The following ANPEP variants were observed in gnomAD, a reference collection of about 807,000 sequenced individuals.
ANPEP encodes aminopeptidase N.
In ANPEP, 70 loss-of-function variants were observed where a neutral mutation model predicts 114.6. That is an observed-to-expected ratio of 0.61 (90% CI 0.50 to 0.75). The LOEUF (loss-of-function observed/expected upper bound fraction) is 0.75. Among genes scored for constraint, ANPEP ranks in the 30% least tolerant of loss-of-function variants. The probability of loss-of-function intolerance (pLI) is 0.00; values close to 1 mark genes in which losing one functional copy is unlikely to be tolerated. For missense variants in ANPEP, 1,184 were observed against 1,259.5 expected (o/e 0.94, Z 0.91); for synonymous variants, 548 against 522.3 (o/e 1.05, Z -0.67).
intron 15 of ANPEP, 111 bp downstream of exon 15, chr15:89,797,464 G>T (rs1373392679): frequency 2.1e-6 from 3 of 1,399,748 alleles, no homozygotes; most frequent in East Asian, 2.5e-5. Context: ...TTTTGCTTTT[G>T]AAGGTTCCCT....
In ANPEP at chr15:89,801,494, A is replaced by G; in HGVS notation, c.1683T>C (p.Leu561=). ...VITVDTSTGT[L]SQEHFLLDPD... ...GGTCAAGGAGGAAGTGCTCCTGGGA[A>G]AGGGTCCCCGTGCTGGTATCCACCG... is the stretch of plus-strand genomic sequence containing the variant. Residue 561 remains leucine (L), a synonymous_variant, in exon 11 of 21, where the codon CTT becomes CTC. Coordinates refer to ENST00000300060, the MANE Select transcript of ANPEP (RefSeq NM_001150.3). 2 of 1,614,126 alleles carry G rather than the reference A, an allele frequency of 1.2e-6. No individual in the cohort carries two copies. The highest frequency in any genetic ancestry group is 1.7e-6 in the Non-Finnish European group (2 of 1,179,978).
chr15:89,797,124 G>A (rs1194701749), intron 15 of ANPEP, among the ~76,000 whole-genome samples: 1 of 152,160 alleles, frequency 6.6e-6, no homozygotes, highest in African/African-American at 2.4e-5. Context: ...TGGGCTGGCC[G>A]GGCAGGTAGA....
At position 89,799,365 on chromosome 15, in the gene ANPEP, G is replaced by C. The variant is rs370459067; in HGVS notation, c.1954-50C>G. ...ACCATGGGTTGGCTGTGGGTGGCAG[G>C]CCTTGCAGTCTGGTGCCTGTCCTGG... On this transcript the variant is annotated intron_variant, in intron 13 of 20. Coordinates refer to ENST00000300060, the MANE Select transcript of ANPEP (RefSeq NM_001150.3). This position sits in a 1 kb window ranked among gnomAD's most constrained non-coding sequence, Gnocchi z 4.2. The C allele has an allele frequency of 5.6e-6, 9 of 1,614,136 alleles. No homozygotes were observed. In the East Asian group the frequency reaches 2.0e-4, roughly 36 times the overall value.
At chr15:89,787,800 G>A (rs1031742324) in intron 20 of ANPEP, among the ~76,000 whole-genome samples, 9 of 152,084 alleles carry the variant, frequency 5.9e-5, no homozygotes, top group East Asian at 3.9e-4. Context: ...ACCCTCTCTC[G>A]AAAAGAAAAA....
At chr15:89,810,489 C>T (rs763686807) in intron 1 of ANPEP, among the ~76,000 whole-genome samples, 16 of 151,934 alleles carry the variant, frequency 1.1e-4, no homozygotes, top group African/African-American at 3.1e-4. Context: ...AAGAATCGCT[C>T]GAACCCAAGA....
intron 1 of ANPEP, among the ~76,000 whole-genome samples, chr15:89,809,542 G>T (rs1385239168): frequency 6.6e-6 from 1 of 152,156 alleles, no homozygotes; most frequent in African/African-American, 2.4e-5. Context: ...AACCCAGGCT[G>T]GGGGCACAGA....
chr15:89,805,113 C>T lies in ANPEP; in HGVS notation c.862G>A (p.Asp288Asn), dbSNP rs370685507. 15 of 1,614,212 alleles carry T rather than the reference C, an allele frequency of 9.3e-6. No individual in the cohort carries two copies. The highest frequency in any genetic ancestry group is 2.2e-5 in the East Asian group (1 of 44,882). The change falls in exon 4 of 21, where the codon GAC (aspartate) becomes AAC (asparagine). Residue 288 changes from aspartate to asparagine, a missense_variant. Coordinates refer to ENST00000300060, the MANE Select transcript of ANPEP (RefSeq NM_001150.3). ...TTGGATGCCTGCTTCTCCACGTAGT[C>T]GAACTCACTGACAATGAAGGCCAGC... ...YLLAFIVSEF[D>N]YVEKQASNGV...
Position 89,804,270 on chromosome 15 carries a change from G to A in ANPEP, c.1162C>T (p.His388Tyr). 6.2e-7 allele frequency: 1 copy of A among 1,614,176 alleles called. No homozygotes were observed. Among genetic ancestry groups the A allele is most frequent in the Non-Finnish European group, 8.5e-7 (1 of 1,180,036 alleles). Reference sequence around the variant, plus strand: ...GGGTCTACCTGGTGGGCCAGCTCATGAGCAATCACAGTGACCACCCGCTCC... The same window carrying A: ...GGGTCTACCTGGTGGGCCAGCTCATAAGCAATCACAGTGACCACCCGCTCC... ...NKERVVTVIA[H>Y]ELAHQWFGNL... The change falls in exon 6 of 21, where the codon CAT becomes TAT. Residue 388 changes from histidine (H) to tyrosine (Y), a missense_variant. By Grantham distance (83) the His-to-Tyr change is moderately conservative. Transcript: ENST00000300060.
chr15:89,797,655 T>C lies in ANPEP; in HGVS notation c.2077A>G (p.Met693Val), dbSNP rs1239444162. Residue 693 changes from methionine to valine, a missense_variant, in exon 15 of 21, where the codon ATG becomes GTG. Transcript: ENST00000300060. ...CTGCTCAGGGCGGCCTCCCAGGGCATGTACTGTCTCTCTTCAATCAGGAAG... is the reference window on the plus strand; with the variant it reads ...CTGCTCAGGGCGGCCTCCCAGGGCACGTACTGTCTCTCTTCAATCAGGAAG... ...TLFLIEERQY[M>V]PWEAALSSLS... 4.3e-6 allele frequency: 7 copies of C among 1,613,986 alleles called. No homozygotes were observed. Among genetic ancestry groups the C allele is most frequent in the East Asian group, 2.2e-5 (1 of 44,886 alleles).
chr15:89,812,905 G>A (rs1894840573), intron 1 of ANPEP, among the ~76,000 whole-genome samples: 4 of 152,226 alleles, frequency 2.6e-5, no homozygotes, highest in Middle Eastern at 3.4e-3. Context: ...GAGAAGACAC[G>A]CACCCATTTG....
intron 15 of ANPEP, among the ~76,000 whole-genome samples, chr15:89,793,606 G>A (rs1968673976): frequency 6.6e-6 from 1 of 151,268 alleles, no homozygotes; most frequent in African/African-American, 2.4e-5. Context: ...GGGAGGCTGA[G>A]GCAGGAGAAT....
Position 89,803,093 on chromosome 15 carries a change from G to A in ANPEP, c.1569+146C>T. The A allele has an allele frequency of 2.2e-6, 2 of 908,690 alleles. No individual in the cohort carries two copies. The highest frequency in any genetic ancestry group is 3.6e-6 in the Non-Finnish European group (2 of 562,398). The allele number at this position is 908,690 out of a possible 1,614,324, so 56.3% of individuals were successfully genotyped here. A position where few individuals can be genotyped will look rare whatever the true frequency, so the allele number is the denominator to read the frequency against. On this transcript the variant is annotated intron_variant, in intron 10 of 20. Transcript: ENST00000300060. The surrounding 1 kb of genome is among the most constrained non-coding windows in gnomAD (Gnocchi z 4.2). ...GGAGCCATCCCGGCTTCCACTATAG[G>A]GAGGAGCAACAGAGGCTCCATCCAC...
chr15:89,801,566 C>G lies in ANPEP; in HGVS notation c.1611G>C (p.Arg537=), dbSNP rs2141804869. The change falls in exon 11 of 21, where the codon CGG becomes CGC. Residue 537 remains arginine, a synonymous_variant. Transcript: ENST00000300060. ...GCAGGGTCCAGCGGTTCATGATGTC[C>G]CGCACGGTGGTGGGGAGTTGGATGG... is the stretch of plus-strand genomic sequence containing the variant. The part of the protein sequence containing the change: ...NRSIQLPTTV[R]DIMNRWTLQM... 6.2e-7 allele frequency: 1 copy of G among 1,614,094 alleles called. No homozygotes were observed. The highest frequency in any genetic ancestry group is 8.5e-7 in the Non-Finnish European group (1 of 1,179,962).
chr15:89,796,180 C>A (rs1968722611), intron 15 of ANPEP, among the ~76,000 whole-genome samples: 1 of 152,232 alleles, frequency 6.6e-6, no homozygotes, highest in Non-Finnish European at 1.5e-5. Context: ...TGCACCACTG[C>A]ACTCCAGCTT....
intron 1 of ANPEP, among the ~76,000 whole-genome samples, chr15:89,814,124 G>C (rs548381651): frequency 2.9e-4 from 44 of 152,296 alleles, no homozygotes; most frequent in African/African-American, 1.0e-3. Flanking sequence ...CAGGGAGGGC[G>C]TGGAATAGGC....
Position 89,797,736 on chromosome 15 carries a change from G to A in ANPEP, c.2010-14C>T, listed in dbSNP as rs1968757657. ...ACCTTATGGGCACTGGGAATAAACA[G>A]AGGGGCCCAAGTAAAGCACCTCCAC... On this transcript the variant is annotated splice_polypyrimidine_tract_variant and intron_variant, in intron 14 of 20. Coordinates refer to ENST00000300060, the MANE Select transcript of ANPEP (RefSeq NM_001150.3). 1 of 1,613,742 alleles carries A rather than the reference G, an allele frequency of 6.2e-7. No individual in the cohort carries two copies. Among genetic ancestry groups the A allele is most frequent in the African/African-American group, 1.3e-5 (1 of 74,908 alleles).
At chr15:89,791,841 G>C (rs567845029) in intron 18 of ANPEP, among the ~76,000 whole-genome samples, 1 of 152,062 alleles carries the variant, frequency 6.6e-6, no homozygotes, top group African/African-American at 2.4e-5. Context: ...GCTTGAGGGG[G>C]TGCCCAGCTG....
At position 89,805,991 on chromosome 15, in the gene ANPEP, T is replaced by C. The variant is rs547177823; in HGVS notation, c.593A>G (p.Tyr198Cys). The change falls in exon 2 of 21, where the codon TAC (tyrosine) becomes TGC (cysteine). Residue 198 changes from tyrosine (Y) to cysteine (C), a missense_variant. Tyr to Cys is a radical substitution (Grantham distance 194, BLOSUM62 -2). Transcript: ENST00000300060. ...TCACTTTCTGACATTGCCCTCCATG[T>C]ACTCGCTGCGGTAGAAGCCCGCCAG... ...DDLAGFYRSE[Y>C]MEGNVRKVVA... is the part of the protein sequence containing the mutation. 2.5e-6 allele frequency: 4 copies of C among 1,597,800 alleles called. No individual in the cohort carries two copies. The East Asian group carries it at 9.0e-5, about 36-fold the overall frequency.
chr15:89,813,202 G>A (rs532411893), intron 1 of ANPEP, among the ~76,000 whole-genome samples: 1 of 152,284 alleles, frequency 6.6e-6, no homozygotes, highest in South Asian at 2.1e-4. Context: ...CCCAGCATAG[G>A]GTTCCAGATC....
Sources: allele counts gnomAD v4.1 joint callset (sites outside exome capture counted in the v4.1 genomes callset), GRCh38; gene constraint gnomAD v4.1.1; non-coding constraint Gnocchi (gnomAD v3.1); transcripts MANE v1.5; gene names NCBI Gene and HGNC (gene_info 2026-07-23, HGNC 2026-07-21).